Variants in ITK observed in about 807,000 individuals in gnomAD.
The protein encoded by ITK is IL2 inducible T cell kinase.
ITK carries 45 observed loss-of-function variants against 87.6 expected under a neutral mutation model. The observed-to-expected ratio is 0.51, with a 90% confidence interval of 0.40 to 0.66. ITK has a LOEUF of 0.66. Ranked by LOEUF, ITK falls within the 30% of genes least tolerant of loss-of-function variation. The probability of loss-of-function intolerance (pLI) is 0.00; values close to 1 mark genes in which losing one functional copy is unlikely to be tolerated. For missense variants in ITK, 605 were observed against 766.3 expected (o/e 0.79, Z 2.48); for synonymous variants, 303 against 273.6 (o/e 1.11, Z -1.06).
At chr5:157,184,069 G>A (rs1024166857) in intron 1 of ITK, among the ~76,000 whole-genome samples, 2 of 152,168 alleles carry the variant, frequency 1.3e-5, no homozygotes, top group Non-Finnish European at 2.9e-5. Context: ...GGAGCAGTGG[G>A]CCAGAAAGAA....
chr5:157,245,645 G>A (rs1755005596), intron 13 of ITK, 81 bp from the exon 14 acceptor site: 2 of 1,097,558 alleles, frequency 1.8e-6, no homozygotes, highest in East Asian at 4.7e-5. Flanking sequence ...GCAAAGGACT[G>A]TGATTATAGG....
At chr5:157,202,252 C>T (rs1427738690) in intron 1 of ITK, among the ~76,000 whole-genome samples, 1 of 152,084 alleles carries the variant, frequency 6.6e-6, no homozygotes, top group Non-Finnish European at 1.5e-5. Flanking sequence ...CTTACTCTGT[C>T]ACCCAGGCTG....
chr5:157,200,236 T>C (rs1420555051), intron 1 of ITK, among the ~76,000 whole-genome samples: 1 of 152,060 alleles, frequency 6.6e-6, no homozygotes, highest in Non-Finnish European at 1.5e-5. Context: ...GTCAGATGCT[T>C]GGGATGAAAC....
At chr5:157,217,320 T>C (rs1754319162) in intron 4 of ITK, among the ~76,000 whole-genome samples, 1 of 151,998 alleles carries the variant, frequency 6.6e-6, no homozygotes, top group Non-Finnish European at 1.5e-5. Context: ...CTGGGGTTGG[T>C]ATAGTTTGAA....
At chr5:157,244,566 C>G (rs960088595) in intron 13 of ITK, 88 bp downstream of exon 13, 1 of 800,644 alleles carries the variant, frequency 1.2e-6, no homozygotes, top group Non-Finnish European at 2.2e-6. Flanking sequence ...ATAAATAATA[C>G]ATTACAGATA....
At chr5:157,245,469 A>G (rs192256062) in intron 13 of ITK, 569 of 564,558 alleles carry the variant, frequency 1.0e-3, no homozygotes, top group African/African-American at 9.3e-3. Context: ...TTGGTTAGAC[A>G]ACACCAAGGA....
At chr5:157,222,682 A>G in intron 5 of ITK, 181 bp from the exon 6 acceptor site, 1 of 644,322 alleles carries the variant, frequency 1.6e-6, no homozygotes, top group Non-Finnish European at 2.8e-6. Context: ...ACCTCATAGA[A>G]TGAGCAATGT....
intron 16 of ITK, among the ~76,000 whole-genome samples, chr5:157,249,469 C>G (rs1177981785): frequency 6.6e-6 from 1 of 152,210 alleles, no homozygotes; most frequent in Non-Finnish European, 1.5e-5. Flanking sequence ...CTGTACCCGC[C>G]CAGGTGGCTC....
chr5:157,230,709 T>C (rs570189951), intron 7 of ITK, among the ~76,000 whole-genome samples: 44 of 152,318 alleles, frequency 2.9e-4, no homozygotes, highest in African/African-American at 9.9e-4. Context: ...GGCTATGTAG[T>C]TTTGTTTGTT....
chr5:157,187,120 C>G (rs184517932), intron 1 of ITK, among the ~76,000 whole-genome samples: 2 of 152,222 alleles, frequency 1.3e-5, no homozygotes, highest in East Asian at 3.8e-4. Flanking sequence ...GAAAGCCTTC[C>G]TTGATGTCCC....
intron 1 of ITK, among the ~76,000 whole-genome samples, chr5:157,185,652 C>G (rs1753626966): frequency 6.6e-6 from 1 of 151,050 alleles, no homozygotes; most frequent in Non-Finnish European, 1.5e-5. Flanking sequence ...TTGAAACCAG[C>G]CTGGGCAACA....
At chr5:157,207,654 ACAGGCGTGAGCCACCATGTC>A (rs1011126539) in intron 1 of ITK, among the ~76,000 whole-genome samples, 12 of 152,112 alleles carry the variant, frequency 7.9e-5, no homozygotes, top group Non-Finnish European at 1.8e-4. Flanking sequence ...GGCTAGGATT[ACAGGCGTGAGCCACCATGTC>A]CAGCCTTAGA....
At chr5:157,220,334 C>T (rs903622962) in intron 5 of ITK, among the ~76,000 whole-genome samples, 4 of 152,174 alleles carry the variant, frequency 2.6e-5, no homozygotes, top group African/African-American at 2.4e-5. Context: ...GTACAAATTC[C>T]GATTCCTCTT....
chr5:157,239,869 C>T (rs994716902), intron 9 of ITK, among the ~76,000 whole-genome samples, 193 bp from the exon 10 acceptor site: 5 of 152,160 alleles, frequency 3.3e-5, no homozygotes, highest in Non-Finnish European at 5.9e-5. Context: ...CAGACACAAC[C>T]TCAGAGTCCT....
chr5:157,243,253 A>G (rs1320061107), intron 11 of ITK, among the ~76,000 whole-genome samples: 4 of 152,224 alleles, frequency 2.6e-5, no homozygotes, highest in African/African-American at 9.6e-5. Flanking sequence ...TTATGTGTAT[A>G]TAGCAGGTGC....
rs571355892 is a variant in ITK at position 157,244,100 on chromosome 5, A to G, written c.1233-162A>G. Reference sequence around the variant, plus strand: ...GACTCCTTGCCATTTTTCAGGTCTCAGCTCCAATGACATGTTTTTGTTTTG... The same window carrying G: ...GACTCCTTGCCATTTTTCAGGTCTCGGCTCCAATGACATGTTTTTGTTTTG... On this transcript the variant is annotated intron_variant, in intron 12 of 16. Transcript: ENST00000422843. 1.5e-5 allele frequency: 11 copies of G among 732,154 alleles called. No individual in the cohort carries two copies. The African/African-American group carries it at 1.9e-4, about 13-fold the overall frequency. The allele number at this position is 732,154 out of a possible 1,614,324, so 45.4% of individuals were successfully genotyped here.
intron 1 of ITK, among the ~76,000 whole-genome samples, chr5:157,198,752 T>C (rs163433): frequency 0.53 from 80,136 of 151,998 alleles, 21,600 homozygotes; most frequent in African/African-American, 0.64. Context: ...GTAATGAGCA[T>C]ATCTTTTTTG....
chr5:157,195,330 C>T (rs1214503657), intron 1 of ITK: 1 of 152,172 alleles, frequency 6.6e-6, no homozygotes, highest in Admixed American at 6.5e-5. Context: ...ACATAATTAA[C>T]TGCTGTTGGA....
chr5:157,202,135 A>G (rs1266187346), intron 1 of ITK, among the ~76,000 whole-genome samples: 1 of 152,170 alleles, frequency 6.6e-6, no homozygotes, highest in Non-Finnish European at 1.5e-5. Flanking sequence ...AACTCTACCC[A>G]TGTCGCTGCA....
Sources: allele counts gnomAD v4.1 joint callset (sites outside exome capture counted in the v4.1 genomes callset), GRCh38; gene constraint gnomAD v4.1.1; transcripts MANE v1.5; gene names NCBI Gene and HGNC (gene_info 2026-07-23, HGNC 2026-07-21).